Variants in ADARB2 observed in about 807,000 individuals in gnomAD.
ADARB2 encodes inactive double-stranded RNA-specific editase B2.
A neutral mutation model predicts 62.2 loss-of-function variants in ADARB2; 25 were observed. The ratio of observed to expected loss-of-function variants is 0.40; its 90% CI spans 0.29 to 0.56. The LOEUF is 0.56. Ranked by LOEUF, ADARB2 falls within the 20% of genes least tolerant of loss-of-function variation. The pLI is 0.43. For missense variants in ADARB2, 1,071 were observed against 1,077.4 expected, an observed-to-expected ratio of 0.99 and a Z score of 0.08; for synonymous variants, 572 against 500.8, an observed-to-expected ratio of 1.14 and a Z score of -1.90.
Position 1,363,523 on chromosome 10 carries a change from G to T in ADARB2, c.582C>A (p.Asn194Lys), listed in dbSNP as rs751030018. ...CCATGGCCAGGTGCGCCTGGCAGGCGTTGGGGAACTGCACGAAGGACCTGA... is the reference window on the plus strand; with the variant it reads ...CCATGGCCAGGTGCGCCTGGCAGGCTTTGGGGAACTGCACGAAGGACCTGA... Reference protein sequence around the residue: ...LALRSFVQFPNACQAHLAMGG... With the variant: ...LALRSFVQFPKACQAHLAMGG... Residue 194 changes from asparagine (N) to lysine (K), a missense_variant, in exon 3 of 10, where the codon AAC (asparagine) becomes AAA (lysine). Coordinates refer to ENST00000381312, the MANE Select transcript of ADARB2 (RefSeq NM_018702.4). 2.4e-5 allele frequency: 37 copies of T among 1,543,462 alleles called. No homozygotes were observed. The highest frequency in any genetic ancestry group is 3.0e-5 in the Non-Finnish European group (35 of 1,148,604).
chr10:1,344,018 CTAAAA>C (rs1453737764), intron 3 of ADARB2, among the ~76,000 whole-genome samples: 3 of 152,094 alleles, frequency 2.0e-5, no homozygotes, highest in Non-Finnish European at 4.4e-5. Flanking sequence ...ACCCTTGAAC[CTAAAA>C]TAAGAGTTAA....
chr10:1,697,659 G>T (rs1447997439), intron 1 of ADARB2, among the ~76,000 whole-genome samples: 1 of 152,180 alleles, frequency 6.6e-6, no homozygotes, highest in Non-Finnish European at 1.5e-5. Flanking sequence ...TGGGTGGGAA[G>T]AGAAACCCCA....
chr10:1,415,333 G>A (rs1226545461), intron 1 of ADARB2, among the ~76,000 whole-genome samples: 2 of 152,046 alleles, frequency 1.3e-5, no homozygotes, highest in Non-Finnish European at 2.9e-5. Flanking sequence ...TGGATGGATG[G>A]ATGGATGGTG....
intron 1 of ADARB2, among the ~76,000 whole-genome samples, chr10:1,457,808 C>A (rs752715400): frequency 8.5e-5 from 13 of 152,224 alleles, no homozygotes; most frequent in Admixed American, 2.0e-4. Flanking sequence ...GGAATCTCAC[C>A]CTGACAATGT....
intron 8 of ADARB2, chr10:1,186,563 G>C (rs1325928373): frequency 1.9e-6 from 1 of 519,046 alleles, no homozygotes; most frequent in Non-Finnish European, 3.8e-6. Flanking sequence ...CCTCCTCGCA[G>C]ATCAGCTCTG....
chr10:1,306,231 G>A (rs563736597), intron 3 of ADARB2, among the ~76,000 whole-genome samples: 77 of 151,788 alleles, frequency 5.1e-4, no homozygotes, highest in African/African-American at 1.8e-3. Flanking sequence ...CAAAATCAAT[G>A]TACAAAAATC....
intron 1 of ADARB2, among the ~76,000 whole-genome samples, chr10:1,421,150 C>T (rs917492871): frequency 6.6e-6 from 1 of 151,972 alleles, no homozygotes; most frequent in South Asian, 2.1e-4. Flanking sequence ...AGGGCGGGGG[C>T]TCCTTCAGAC....
At chr10:1,290,085 A>C (rs1382812540) in intron 3 of ADARB2, 5 of 152,272 alleles carry the variant, frequency 3.3e-5, no homozygotes, top group African/African-American at 1.2e-4. Flanking sequence ...GAAAATGAAG[A>C]AAATACGGCT....
intron 5 of ADARB2, among the ~76,000 whole-genome samples, chr10:1,241,422 G>T (rs1830921611): frequency 6.6e-6 from 1 of 152,222 alleles, no homozygotes; most frequent in Non-Finnish European, 1.5e-5. Context: ...TAGATTTGAG[G>T]AACGCAGATG....
At chr10:1,187,847 C>A in intron 8 of ADARB2, 1 of 438,852 alleles carries the variant, frequency 2.3e-6, no homozygotes, top group Non-Finnish European at 4.7e-6. Context: ...CTTCTTCTCA[C>A]CAGGGTGTGG....
At chr10:1,232,187 C>A (rs774972598) in intron 6 of ADARB2, among the ~76,000 whole-genome samples, 1 of 151,806 alleles carries the variant, frequency 6.6e-6, no homozygotes, top group Admixed American at 6.6e-5. Flanking sequence ...GCACACACAC[C>A]GCACACATAG....
intron 1 of ADARB2, among the ~76,000 whole-genome samples, chr10:1,679,676 C>T (rs1180739295): frequency 6.6e-6 from 1 of 152,128 alleles, no homozygotes; most frequent in African/African-American, 2.4e-5. Context: ...CAGGAGCACT[C>T]CGGTTTCCAG....
At chr10:1,571,682 GCAGGTGAGTGGA>G (rs199985029) in intron 1 of ADARB2, among the ~76,000 whole-genome samples, 6,193 of 149,652 alleles carry the variant, frequency 0.041, 407 homozygotes, top group African/African-American at 0.14. Context: ...AGGTGAGTGT[GCAGGTGAGTGGA>G]CAGGTGAGTG....
chr10:1,307,303 T>C (rs1452312129), intron 3 of ADARB2, among the ~76,000 whole-genome samples: 3 of 100,324 alleles, frequency 3.0e-5, no homozygotes, highest in African/African-American at 8.6e-5. Flanking sequence ...AGAAGACATT[T>C]ATGCAGCCAA....
At chr10:1,529,303 A>G (rs1220229190) in intron 1 of ADARB2, among the ~76,000 whole-genome samples, 1 of 151,172 alleles carries the variant, frequency 6.6e-6, no homozygotes, top group Non-Finnish European at 1.5e-5. Flanking sequence ...ACCATCCCCA[A>G]CACAAATCCT....
chr10:1,672,333 A>G (rs551253114), intron 1 of ADARB2, among the ~76,000 whole-genome samples: 1 of 152,188 alleles, frequency 6.6e-6, no homozygotes, highest in African/African-American at 2.4e-5. Context: ...TCCTAAACTT[A>G]AACACCACGC....
At chr10:1,707,397 G>A (rs1588360618) in intron 1 of ADARB2, among the ~76,000 whole-genome samples, 1 of 152,382 alleles carries the variant, frequency 6.6e-6, no homozygotes, top group African/African-American at 2.4e-5. Flanking sequence ...CCCAGTGAGA[G>A]CTCATCTTAA....
chr10:1,354,956 C>T (rs1319933583), intron 3 of ADARB2, among the ~76,000 whole-genome samples: 3 of 152,208 alleles, frequency 2.0e-5, no homozygotes, highest in Non-Finnish European at 4.4e-5. Context: ...AAGGCGGCAC[C>T]AGCCCAGGAG....
At chr10:1,493,564 C>A (rs968245301) in intron 1 of ADARB2, among the ~76,000 whole-genome samples, 16 of 152,058 alleles carry the variant, frequency 1.1e-4, no homozygotes, top group African/African-American at 3.1e-4. Flanking sequence ...TCTCTCCGAA[C>A]CTATTTCCTC....
Sources: allele counts gnomAD v4.1 joint callset (sites outside exome capture counted in the v4.1 genomes callset), GRCh38; gene constraint gnomAD v4.1.1; transcripts MANE v1.5; gene names NCBI Gene and HGNC (gene_info 2026-07-23, HGNC 2026-07-21).